The following DISC1 variants were observed in gnomAD, a reference collection of about 807,000 sequenced individuals.
DISC1 encodes disrupted in schizophrenia 1 protein.
A neutral mutation model predicts 84.5 loss-of-function variants in DISC1; 57 were observed. The ratio of observed to expected loss-of-function variants is 0.67; its 90% CI spans 0.55 to 0.84. The LOEUF (loss-of-function observed/expected upper bound fraction) is 0.84, where lower values mean the gene tolerates loss of function less well. Ranked by LOEUF, DISC1 falls within the 40% of genes least tolerant of loss-of-function variation. The probability of loss-of-function intolerance (pLI) is 0.00; values close to 1 mark genes in which losing one functional copy is unlikely to be tolerated. For missense variants in DISC1, 1,000 were observed against 1,057.8 expected (o/e 0.95, Z 0.76); for synonymous variants, 411 against 415.2 (o/e 0.99, Z 0.12).
chr1:231,986,559 G>A (rs1664474556), intron 10 of DISC1, among the ~76,000 whole-genome samples: 1 of 152,146 alleles, frequency 6.6e-6, no homozygotes, highest in Admixed American at 6.5e-5. Flanking sequence ...GCATCTTTCA[G>A]ATTAGATCAT....
intron 3 of DISC1, chr1:231,723,014 A>T: frequency 9.0e-7 from 1 of 1,109,524 alleles, no homozygotes; most frequent in South Asian, 2.5e-5. Flanking sequence ...ACAATTATGA[A>T]GGAATCATTT....
At chr1:231,787,609 G>A (rs1350882582) in intron 6 of DISC1, among the ~76,000 whole-genome samples, 1 of 152,158 alleles carries the variant, frequency 6.6e-6, no homozygotes, top group African/African-American at 2.4e-5. Context: ...GGTTGCCTTG[G>A]GAATTAAGTT....
At chr1:232,035,772 T>C (rs1447639070) in intron 12 of DISC1, among the ~76,000 whole-genome samples, 3 of 152,208 alleles carry the variant, frequency 2.0e-5, no homozygotes, top group Non-Finnish European at 4.4e-5. Flanking sequence ...AGAGTTGTTC[T>C]GACTACAAGT....
intron 3 of DISC1, among the ~76,000 whole-genome samples, chr1:231,734,829 A>G (rs2072264360): frequency 1.3e-5 from 2 of 152,232 alleles, no homozygotes; most frequent in South Asian, 4.1e-4. Context: ...TATCACAACA[A>G]AATGATTTCC....
Position 231,818,476 on chromosome 1 carries a change from A to G in DISC1, c.1940A>G (p.Asn647Ser). ...CTGGGAAGTGTTAAAGAAGATTACA[A>G]CAGACTGAGAAGAGAAGTGGAGCAC... ...KKLGSVKEDY[N>S]RLRREVEHQE... The change falls in exon 9 of 13, where the codon AAC (asparagine) becomes AGC (serine). Residue 647 changes from asparagine (N) to serine (S), a missense_variant. Asn to Ser is a conservative substitution (Grantham distance 46). Transcript: ENST00000439617. 1 of 1,614,144 alleles carries G rather than the reference A, an allele frequency of 6.2e-7. No homozygotes were observed. Among genetic ancestry groups the G allele is most frequent in the Non-Finnish European group, 8.5e-7 (1 of 1,179,994 alleles).
At position 231,719,154 on chromosome 1, in the gene DISC1, G is replaced by A. The variant is rs191226066; in HGVS notation, c.1117+17130G>A. Among the ~76,000 whole-genome samples the A allele has an allele frequency of 2.0e-5, 3 of 152,256 alleles. No individual in the cohort carries two copies. In the East Asian group the frequency reaches 5.8e-4, roughly 29 times the overall value. On this transcript the variant is annotated intron_variant, in intron 3 of 12. Coordinates refer to ENST00000439617, the MANE Select transcript of DISC1 (RefSeq NM_018662.3). ...AAAACAAAAAAGACTTGGTTTCAGTGCCCCTTCTTTTGAGTGCTTGGTATA... is the reference window on the plus strand; with the variant it reads ...AAAACAAAAAAGACTTGGTTTCAGTACCCCTTCTTTTGAGTGCTTGGTATA...
At chr1:231,742,198 T>C (rs1401028613) in intron 3 of DISC1, among the ~76,000 whole-genome samples, 1 of 152,212 alleles carries the variant, frequency 6.6e-6, no homozygotes, top group Non-Finnish European at 1.5e-5. Context: ...TGTATTTGCC[T>C]CATGGCTTTT....
chr1:231,800,540 A>G (rs1234385592), intron 8 of DISC1, among the ~76,000 whole-genome samples: 1 of 152,108 alleles, frequency 6.6e-6, no homozygotes, highest in African/African-American at 2.4e-5. Context: ...GACCCTTTCT[A>G]TAGAGGGAAG....
chr1:231,808,213 C>A (rs2079913774), intron 8 of DISC1, among the ~76,000 whole-genome samples: 1 of 152,194 alleles, frequency 6.6e-6, no homozygotes, highest in South Asian at 2.1e-4. Context: ...AATATAGGAA[C>A]CTTCATAAAC....
chr1:231,823,255 C>A (rs1227038940), intron 9 of DISC1, among the ~76,000 whole-genome samples: 7 of 151,896 alleles, frequency 4.6e-5, no homozygotes, highest in Non-Finnish European at 1.0e-4. Flanking sequence ...AAAAGTAGAA[C>A]AAAAGAATAA....
chr1:231,912,761 C>A (rs569151229), intron 9 of DISC1, among the ~76,000 whole-genome samples: 4 of 134,328 alleles, frequency 3.0e-5, no homozygotes, highest in African/African-American at 1.2e-4. Flanking sequence ...TTCTTTCTTT[C>A]TTTCTTTCTT....
Position 231,873,073 on chromosome 1 carries a change from T to A in DISC1, c.1981+54556T>A, listed in dbSNP as rs200351016. The stretch of plus-strand genomic sequence containing the variant: ...GAAGATGGTGGGAGGCCTGATGTCC[T>A]TTCTGTGCAGCCCTGCAAGGGCCTT... On this transcript the variant is annotated intron_variant, in intron 9 of 12. Transcript: ENST00000439617. Among the ~76,000 whole-genome samples the A allele has an allele frequency of 1.2e-4, 19 of 152,228 alleles. 1 individual carries two copies. The highest frequency in any genetic ancestry group is 1.9e-4 in the Non-Finnish European group (13 of 68,042).
At chr1:231,863,393 G>T (rs1254982535) in intron 9 of DISC1, among the ~76,000 whole-genome samples, 1 of 150,964 alleles carries the variant, frequency 6.6e-6, no homozygotes, top group Non-Finnish European at 1.5e-5. Context: ...ACCATGCCTG[G>T]CTAATTTTTG....
chr1:231,645,960 G>A, intron 1 of DISC1, among the ~76,000 whole-genome samples: 1 of 149,362 alleles, frequency 6.7e-6, no homozygotes, highest in African/African-American at 2.5e-5. Context: ...CTACAGAGAA[G>A]AAAAACAAGG....
chr1:231,965,323 A>AT (rs777784362), intron 10 of DISC1, among the ~76,000 whole-genome samples: 15 of 151,896 alleles, frequency 9.9e-5, no homozygotes, highest in Non-Finnish European at 1.5e-4. Context: ...CCATTTGTGG[A>AT]TTTTTTTTCC....
At chr1:231,911,194 A>G (rs1464997074) in intron 9 of DISC1, among the ~76,000 whole-genome samples, 3 of 152,264 alleles carry the variant, frequency 2.0e-5, no homozygotes, top group East Asian at 1.9e-4. Flanking sequence ...TAATATTGTT[A>G]TATGTCAATT....
At chr1:232,008,673 C>T in intron 10 of DISC1, 112 bp from the exon 11 acceptor site, 1 of 1,265,538 alleles carries the variant, frequency 7.9e-7, no homozygotes, top group Non-Finnish European at 1.1e-6. Flanking sequence ...GAAATTAAGT[C>T]ATCAAGTATA....
At chr1:231,867,805 G>A (rs1407600) in intron 9 of DISC1, among the ~76,000 whole-genome samples, 126,696 of 152,222 alleles carry the variant, frequency 0.83, 53,210 homozygotes, top group East Asian at 0.99. Context: ...TTAGGAAACA[G>A]TTGGAGCACT....
At chr1:232,015,624 C>T (rs1668422795) in intron 11 of DISC1, among the ~76,000 whole-genome samples, 1 of 152,170 alleles carries the variant, frequency 6.6e-6, no homozygotes, top group African/African-American at 2.4e-5. Flanking sequence ...CTTCCACTCC[C>T]CAGGAGCTTC....
Sources: gnomAD v4.1 joint callset for allele counts (sites outside exome capture counted in the v4.1 genomes callset) on GRCh38, gnomAD v4.1.1 for gene constraint, MANE v1.5 for transcripts, NCBI Gene and HGNC (gene_info 2026-07-23, HGNC 2026-07-21) for gene names.